DNAH5: variants seen among roughly 807,000 people sequenced by gnomAD.
DNAH5 encodes the protein dynein axonemal heavy chain 5.
DNAH5 carries 372 observed loss-of-function variants against 518.2 expected under a neutral mutation model. That is an observed-to-expected ratio of 0.72 (90% CI 0.66 to 0.78). The LOEUF is 0.78. Ranked by LOEUF, DNAH5 falls within the 30% of genes least tolerant of loss-of-function variation. The pLI, the probability that DNAH5 is intolerant of heterozygous loss-of-function variation, is 0.00. For synonymous variants in DNAH5, 2,039 were observed against 2,025.9 expected, an observed-to-expected ratio of 1.01 and a Z score of -0.17; for missense variants, 5,523 against 5,687.0, an observed-to-expected ratio of 0.97 and a Z score of 0.93.
chr5:13,729,505 C>T lies in DNAH5; in HGVS notation c.11817G>A (p.Leu3939=). 4 of 1,613,944 alleles carry T rather than the reference C, an allele frequency of 2.5e-6. No individual in the cohort carries two copies. The highest frequency in any genetic ancestry group is 3.4e-6 in the Non-Finnish European group (4 of 1,179,896). ...ACPPKPSKWI[L]DITWLNLVEL... ...CCACCAAATTCAGCCATGTTATGTC[C>T]AGGATCCATTTTGATGGTTTTGGAG... The change falls in exon 69 of 79, where the codon CTG becomes CTA. Residue 3939 remains leucine (L), a synonymous_variant. Transcript: ENST00000265104.
At chr5:13,915,430 CA>C (rs1776542224) in intron 9 of DNAH5, among the ~76,000 whole-genome samples, 1 of 152,026 alleles carries the variant, frequency 6.6e-6, no homozygotes, top group Non-Finnish European at 1.5e-5. Context: ...TCAAGTTTTG[CA>C]AATAATATGC....
Position 13,850,663 on chromosome 5 carries a change from T to C in DNAH5, c.5103A>G (p.Lys1701=). The change falls in exon 31 of 79, where the codon AAA becomes AAG. Residue 1701 remains lysine (K), a synonymous_variant. Transcript: ENST00000265104. The part of the protein sequence containing the change: ...HLLDQLEICQ[K]SLTGYLEKKR... ...GCCAGTGAACTTACCCAGTAAGGGA[T>C]TTCTGGCATATTTCCAACTGGTCCA... 6.2e-7 allele frequency: 1 copy of C among 1,614,010 alleles called. No homozygotes were observed. The highest frequency in any genetic ancestry group is 1.1e-5 in the South Asian group (1 of 91,068).
At chr5:13,736,292 A>G (rs1747403997) in intron 66 of DNAH5, among the ~76,000 whole-genome samples, 1 of 152,158 alleles carries the variant, frequency 6.6e-6, no homozygotes, top group Non-Finnish European at 1.5e-5. Flanking sequence ...CTCATCCTTA[A>G]GTTCCAGGGA....
chr5:13,997,808 A>G (rs796686605), intron 1 of DNAH5, among the ~76,000 whole-genome samples: 2 of 152,068 alleles, frequency 1.3e-5, no homozygotes, highest in African/African-American at 2.4e-5. Context: ...CTTAGATTGG[A>G]TAATTTATAA....
intron 49 of DNAH5, among the ~76,000 whole-genome samples, chr5:13,792,807 G>A (rs780883043): frequency 4.6e-5 from 7 of 152,136 alleles, no homozygotes; most frequent in East Asian, 1.9e-4. Flanking sequence ...TGACATTTTC[G>A]TTTGCCAGAA....
In DNAH5 at chr5:13,922,316, T is replaced by C. The variant is rs766862561; in HGVS notation, c.451A>G (p.Asn151Asp). Residue 151 changes from asparagine to aspartate, a missense_variant, in exon 5 of 79, where the codon AAC becomes GAC. Asn to Asp is a conservative substitution (Grantham distance 23, BLOSUM62 1). Coordinates refer to ENST00000265104, the MANE Select transcript of DNAH5 (RefSeq NM_001369.3). ...CCTCCATCTGCCGCATCTAACATGT[T>C]AAAACTCACCTCCTGGAAAACAGGC... ...PDNIHQEVSF[N>D]MLDAADGGLL... 4 of 1,613,702 alleles carry C rather than the reference T, an allele frequency of 2.5e-6. No homozygotes were observed. The highest frequency in any genetic ancestry group is 4.5e-5 in the East Asian group (2 of 44,820).
chr5:13,866,858 T>C (rs31235), intron 25 of DNAH5, among the ~76,000 whole-genome samples: 133,829 of 152,230 alleles, frequency 0.88, 58,914 homozygotes, highest in East Asian at 0.95. Context: ...TTCTCCAGCA[T>C]ATTATAATTG....
chr5:13,916,315 C>G, intron 9 of DNAH5, 33 bp downstream of exon 9: 1 of 1,208,516 alleles, frequency 8.3e-7, no homozygotes, highest in Non-Finnish European at 1.2e-6. Flanking sequence ...CAAAGAAATA[C>G]AAATGAACAT....
intron 1 of DNAH5, among the ~76,000 whole-genome samples, chr5:14,006,667 T>C (rs1051627089): frequency 6.6e-6 from 1 of 152,186 alleles, no homozygotes; most frequent in Non-Finnish European, 1.5e-5. Flanking sequence ...AGGAATTCAA[T>C]GTACAAACCT....
chr5:13,799,011 C>G (rs1313802976), intron 47 of DNAH5, among the ~76,000 whole-genome samples: 2 of 152,030 alleles, frequency 1.3e-5, no homozygotes, highest in African/African-American at 4.8e-5. Context: ...GGTGATCCAC[C>G]TGCCTCAGCT....
intron 62 of DNAH5, 111 bp from the exon 63 acceptor site, chr5:13,753,660 C>A: frequency 9.8e-7 from 1 of 1,017,324 alleles, no homozygotes; most frequent in Non-Finnish European, 1.4e-6. Flanking sequence ...AAACTAAATT[C>A]CACAAATCAA....
At chr5:13,868,519 G>A (rs974998417) in intron 24 of DNAH5, among the ~76,000 whole-genome samples, 2 of 152,166 alleles carry the variant, frequency 1.3e-5, no homozygotes, top group African/African-American at 4.8e-5. Flanking sequence ...ATCCTGGATG[G>A]CTTTCTTCTC....
rs201596289 is a variant in DNAH5 at position 13,890,971 on chromosome 5, A to G, written c.2577+5T>C. 1.5e-5 allele frequency: 24 copies of G among 1,613,962 alleles called. No homozygotes were observed. In the African/African-American group the frequency reaches 2.5e-4, roughly 17 times the overall value. On this transcript the variant is annotated splice_donor_5th_base_variant and intron_variant, in intron 17 of 78. Coordinates refer to ENST00000265104, the MANE Select transcript of DNAH5 (RefSeq NM_001369.3). ...TTAAACAAAAAAAATCAAGGTTTTAATGACCTTTGTCATTTGGAGAAACTC... is the reference window on the plus strand; with the variant it reads ...TTAAACAAAAAAAATCAAGGTTTTAGTGACCTTTGTCATTTGGAGAAACTC...
intron 47 of DNAH5, among the ~76,000 whole-genome samples, chr5:13,795,789 C>T (rs982849914): frequency 4.6e-5 from 7 of 152,114 alleles, no homozygotes; most frequent in East Asian, 1.9e-4. Flanking sequence ...AACATTGATG[C>T]GAAAATCCTC....
chr5:13,896,209 C>T (rs1412729007), intron 15 of DNAH5, among the ~76,000 whole-genome samples: 1 of 151,996 alleles, frequency 6.6e-6, no homozygotes, highest in Non-Finnish European at 1.5e-5. Context: ...GGTTACATAG[C>T]CTCCCATTTA....
chr5:13,926,739 A>C (rs1376315477), intron 3 of DNAH5, among the ~76,000 whole-genome samples: 4 of 152,200 alleles, frequency 2.6e-5, no homozygotes, highest in African/African-American at 4.8e-5. Context: ...ACTTGGTTTT[A>C]TGTTTACATC....
intron 1 of DNAH5, 31 bp from the exon 2 acceptor site, chr5:13,931,275 A>G (rs770999348): frequency 2.5e-6 from 4 of 1,613,766 alleles, no homozygotes; most frequent in East Asian, 2.2e-5. Context: ...TGTTACATGG[A>G]AACTGCTGTT....
At chr5:13,923,545 C>A in intron 3 of DNAH5, 105 bp from the exon 4 acceptor site, 1 of 1,291,284 alleles carries the variant, frequency 7.7e-7, no homozygotes, top group South Asian at 1.2e-5. Flanking sequence ...GTTGACTTGT[C>A]CATGTGCCTT....
At chr5:13,875,151 T>C (rs1433860254) in intron 22 of DNAH5, among the ~76,000 whole-genome samples, 1 of 152,160 alleles carries the variant, frequency 6.6e-6, no homozygotes, top group Non-Finnish European at 1.5e-5. Context: ...TTCCTTCATA[T>C]AAAGTAAAAG....
Sources: gnomAD v4.1 joint callset for allele counts (sites outside exome capture counted in the v4.1 genomes callset) on GRCh38, gnomAD v4.1.1 for gene constraint, MANE v1.5 for transcripts, NCBI Gene and HGNC (gene_info 2026-07-23, HGNC 2026-07-21) for gene names.